The following MACF1 variants were observed in gnomAD, a reference collection of about 807,000 sequenced individuals.
MACF1 encodes microtubule-actin cross-linking factor 1.
Under a neutral mutation model 854.8 loss-of-function variants are expected in MACF1, and 193 were observed. That is an observed-to-expected ratio of 0.23 (90% CI 0.20 to 0.25). The LOEUF (loss-of-function observed/expected upper bound fraction) is 0.25. Ranked by LOEUF, MACF1 falls within the 10% of genes least tolerant of loss-of-function variation. The probability of loss-of-function intolerance (pLI) is 1.00; values close to 1 mark genes in which losing one functional copy is unlikely to be tolerated. For missense variants in MACF1, 7,722 were observed against 8,929.1 expected, an observed-to-expected ratio of 0.86 and a Z score of 5.45; for synonymous variants, 3,185 against 3,226.7, an observed-to-expected ratio of 0.99 and a Z score of 0.44.
At chr1:39,408,994 C>G (rs1262553886) in intron 58 of MACF1, among the ~76,000 whole-genome samples, 1 of 152,010 alleles carries the variant, frequency 6.6e-6, no homozygotes, top group African/African-American at 2.4e-5. Context: ...CGCGCGCTCC[C>G]TGGCTTCCAG....
At chr1:39,459,036 C>G (rs1315078292) in intron 90 of MACF1, 50 bp from the exon 91 acceptor site, 2 of 1,492,400 alleles carry the variant, frequency 1.3e-6, no homozygotes, top group East Asian at 2.3e-5. Context: ...AGCTATTTCT[C>G]TTTGTATACT....
rs766558667 is a variant in MACF1 at position 39,333,712 on chromosome 1, AC to A, written c.7129del (p.Arg2377ValfsTer8). The A allele has an allele frequency of 1.9e-6, 3 of 1,613,946 alleles. No homozygotes were observed. The African/African-American group carries it at 4.0e-5, about 22-fold the overall frequency. On this transcript the variant is annotated frameshift_variant, in exon 37 of 101. Transcript: ENST00000564288. LOFTEE classifies it high-confidence loss of function. ...GACAAAGCTATAAGTGGTGTCTTAG[AC>A]CCCCGTACCCAGACACTGTGCTCTG... ...MADKAISGVL[D>X]PRTQTLCSVK...
chr1:39,384,891 A>G (rs1315806619), intron 56 of MACF1, among the ~76,000 whole-genome samples: 1 of 152,202 alleles, frequency 6.6e-6, no homozygotes, highest in Non-Finnish European at 1.5e-5. Context: ...GAATGGGACA[A>G]ATAAGGAAAA....
intron 94 of MACF1, 148 bp from the exon 95 acceptor site, chr1:39,464,947 C>A: frequency 2.7e-6 from 2 of 736,732 alleles, no homozygotes; most frequent in Non-Finnish European, 4.7e-6. Context: ...ATCCCTGTGG[C>A]AGGAGCTTGG....
At chr1:39,220,627 C>T (rs1571189476) in intron 1 of MACF1, among the ~76,000 whole-genome samples, 1 of 151,434 alleles carries the variant, frequency 6.6e-6, no homozygotes, top group Admixed American at 6.6e-5. Flanking sequence ...GGATTACATG[C>T]GTGCACCACC....
intron 2 of MACF1, among the ~76,000 whole-genome samples, chr1:39,107,637 C>T (rs1053810980): frequency 1.3e-5 from 2 of 152,116 alleles, no homozygotes; most frequent in East Asian, 1.9e-4. Flanking sequence ...TAGAAATCCC[C>T]GTACTACCTT....
At chr1:39,119,094 A>G (rs548149805) in intron 2 of MACF1, among the ~76,000 whole-genome samples, 1 of 152,220 alleles carries the variant, frequency 6.6e-6, no homozygotes, top group South Asian at 2.1e-4. Flanking sequence ...CAAGGCGGGC[A>G]GATCACCTGA....
Position 39,314,334 on chromosome 1 carries a change from G to A in MACF1, c.3271-1179G>A, listed in dbSNP as rs566508237. On this transcript the variant is annotated intron_variant, in intron 26 of 100. Transcript: ENST00000564288. ...TGAAGCAGGAGAATCATTTGTACCCGGGAGGCGGAGGTTGCAGTGAGCTGA... is the reference window on the plus strand; with the variant it reads ...TGAAGCAGGAGAATCATTTGTACCCAGGAGGCGGAGGTTGCAGTGAGCTGA... 3.6e-4 allele frequency among the ~76,000 whole-genome samples: 55 copies of A among 152,002 alleles called. No individual in the cohort carries two copies. The South Asian group carries it at 4.6e-3, about 13-fold the overall frequency.
chr1:39,480,095 A>G, intron 98 of MACF1, 86 bp downstream of exon 98: 1 of 1,223,082 alleles, frequency 8.2e-7, no homozygotes. Context: ...GAAAGACTCC[A>G]GTGAGGAGAA....
In MACF1 at chr1:39,448,864, G is replaced by A. The variant is rs1020798978; in HGVS notation, c.20258+101G>A. The A allele has an allele frequency of 6.5e-6, 6 of 922,948 alleles. No homozygotes were observed. The Admixed American group carries it at 1.5e-4, about 24-fold the overall frequency. The allele number at this position is 922,948 out of a possible 1,614,324, so 57.2% of individuals were successfully genotyped here. ...GGTGATAAAGCTAATGCATCAGTAAGAGGTTTTGTACCATCTTAACACCAC... is the reference window on the plus strand; with the variant it reads ...GGTGATAAAGCTAATGCATCAGTAAAAGGTTTTGTACCATCTTAACACCAC... On this transcript the variant is annotated intron_variant, in intron 84 of 100. Coordinates refer to ENST00000564288, the MANE Select transcript of MACF1 (RefSeq NM_001394062.1).
chr1:39,205,267 A>AGTGTGTGT (rs989814844), intron 1 of MACF1, 136 bp downstream of exon 1: 1 of 634,510 alleles, frequency 1.6e-6, no homozygotes, highest in African/African-American at 1.8e-5. Flanking sequence ...CAGACTTAAG[A>AGTGTGTGT]GTGTGTGTGT....
intron 31 of MACF1, 100 bp from the exon 32 acceptor site, chr1:39,322,508 T>TCA: frequency 1.0e-6 from 1 of 1,002,284 alleles, no homozygotes; most frequent in South Asian, 1.4e-5. Context: ...GCATGAGTGG[T>TCA]CACCAAAACG....
Position 39,291,947 on chromosome 1 carries a change from C to G in MACF1, c.1823C>G (p.Pro608Arg). The G allele has an allele frequency of 6.2e-7, 1 of 1,613,990 alleles. No homozygotes were observed. Among genetic ancestry groups the G allele is most frequent in the Non-Finnish European group, 8.5e-7 (1 of 1,179,994 alleles). ...CGAGCAGAGTGGGGCAATGACCTGC[C>G]TAGTGTGGAGTTGCAGCTAGAAACA... ...LERAEWGNDL[P>R]SVELQLETQQ... is the part of the protein sequence containing the mutation. The change falls in exon 16 of 101, where the codon CCT becomes CGT. Residue 608 changes from proline (P) to arginine (R), a missense_variant. By Grantham distance (103) the Pro-to-Arg change is moderately radical. Coordinates refer to ENST00000564288, the MANE Select transcript of MACF1 (RefSeq NM_001394062.1).
intron 70 of MACF1, 66 bp from the exon 71 acceptor site, chr1:39,437,711 C>T: frequency 8.3e-7 from 1 of 1,207,604 alleles, no homozygotes; most frequent in Non-Finnish European, 1.2e-6. Flanking sequence ...TGTCCTTATT[C>T]CCTAACACTT....
At chr1:39,349,895 A>G (rs1647140554) in intron 42 of MACF1, among the ~76,000 whole-genome samples, 1 of 152,176 alleles carries the variant, frequency 6.6e-6, no homozygotes, top group Non-Finnish European at 1.5e-5. Context: ...TTGGCCTCTC[A>G]AAGTGTTAGG....
chr1:39,344,705 T>C (rs1466516007), intron 40 of MACF1, among the ~76,000 whole-genome samples: 3 of 152,178 alleles, frequency 2.0e-5, no homozygotes, highest in Non-Finnish European at 4.4e-5. Context: ...GAGGCGTTTT[T>C]CCCTTACCAG....
rs372631852 is a variant in MACF1 at position 39,447,801 on chromosome 1, A to C, written c.19871A>C (p.Asn6624Thr). The C allele has an allele frequency of 6.2e-7, 1 of 1,613,986 alleles. No homozygotes were observed. ...AAGCAGGATGTTGTTCTGATCAAGA[A>C]TTTGTTGGTGAGCGTGCAGTCTCGA... is the stretch of plus-strand genomic sequence containing the variant. The part of the protein sequence containing the change: ...SQKQDVVLIK[N>T]LLVSVQSRWE... Residue 6624 changes from asparagine (N) to threonine (T), a missense_variant, in exon 82 of 101, where the codon AAT (asparagine) becomes ACT (threonine). Physicochemically the swap from Asn to Thr is moderately conservative, Grantham distance 65. Around this residue, in one of 15 missense-constraint regions of MACF1, gnomAD observed 729 missense variants for 900.5 expected, o/e 0.81. Coordinates refer to ENST00000564288, the MANE Select transcript of MACF1 (RefSeq NM_001394062.1).
chr1:39,464,854 C>CA (rs940763507), intron 94 of MACF1: 1 of 448,502 alleles, frequency 2.2e-6, no homozygotes, highest in African/African-American at 2.1e-5. Flanking sequence ...TCGGAGGTTG[C>CA]AGTGAGCCAT....
In MACF1 at chr1:39,295,877, T is replaced by C. The variant is rs1003165955; in HGVS notation, c.2350T>C (p.Phe784Leu). The C allele has an allele frequency of 5.0e-6, 8 of 1,613,642 alleles. No homozygotes were observed. The highest frequency in any genetic ancestry group is 3.3e-5 in the South Asian group (3 of 91,044). Residue 784 changes from phenylalanine (F) to leucine (L), a missense_variant, in exon 20 of 101, where the codon TTT becomes CTT. Physicochemically the swap from Phe to Leu is conservative, Grantham distance 22. Around this residue, in one of 15 missense-constraint regions of MACF1, gnomAD observed 1,137 missense variants for 1,263.0 expected, o/e 0.90. Transcript: ENST00000564288. ...EQHVKENTAYFQFFSDARELE... is the reference protein window; with the variant it reads ...EQHVKENTAYLQFFSDARELE... The stretch of plus-strand genomic sequence containing the variant: ...GCATGTGAAAGAGAATACTGCTTAT[T>C]TTCAGGTGTGATGGATTTCTGTGTT...
Sources: allele counts gnomAD v4.1 joint callset (sites outside exome capture counted in the v4.1 genomes callset), GRCh38; gene constraint gnomAD v4.1.1; regional missense constraint gnomAD v4.1.1; transcripts MANE v1.5; gene names NCBI Gene and HGNC (gene_info 2026-07-23, HGNC 2026-07-21).